Variants in ERBB4 observed in about 807,000 individuals in gnomAD.
The protein encoded by ERBB4 is erb-b2 receptor tyrosine kinase 4.
ERBB4 carries 42 observed loss-of-function variants against 158.0 expected under a neutral mutation model. That is an observed-to-expected ratio of 0.27 (90% CI 0.21 to 0.34). The LOEUF is 0.34. Among genes scored for constraint, ERBB4 ranks in the 10% least tolerant of loss-of-function variants. The pLI is 1.00. For synonymous variants in ERBB4, 583 were observed against 558.7 expected (o/e 1.04, Z -0.61); for missense variants, 1,333 against 1,624.1 (o/e 0.82, Z 3.08).
At chr2:212,529,376 T>C (rs1435587392) in intron 1 of ERBB4, among the ~76,000 whole-genome samples, 1 of 152,154 alleles carries the variant, frequency 6.6e-6, no homozygotes, top group African/African-American at 2.4e-5. Context: ...AATTGCACCA[T>C]ATTTATGGGT....
chr2:211,468,938 T>G (rs2064766000), intron 20 of ERBB4, among the ~76,000 whole-genome samples: 1 of 149,968 alleles, frequency 6.7e-6, no homozygotes, highest in Non-Finnish European at 1.5e-5. Flanking sequence ...AAAAAACCCT[T>G]AAAGGCAGAG....
chr2:212,165,224 T>G (rs1289308372), intron 1 of ERBB4, among the ~76,000 whole-genome samples: 1 of 151,832 alleles, frequency 6.6e-6, no homozygotes. Flanking sequence ...AAGTTGCGAG[T>G]GGGATTCTTT....
chr2:212,142,232 T>C (rs1336795489), intron 1 of ERBB4, among the ~76,000 whole-genome samples: 1 of 152,168 alleles, frequency 6.6e-6, no homozygotes, highest in Non-Finnish European at 1.5e-5. Flanking sequence ...TGCCATATTA[T>C]ATCTTCATTT....
rs147218158 is a variant in ERBB4 at position 212,057,521 on chromosome 2, T to C, written c.234+67231A>G. ...CACACTGATTCCAAAACTGACCACA[T>C]AGTTGGAAGTAAAGCACTCCTCAGC... On this transcript the variant is annotated intron_variant, in intron 2 of 27. Transcript: ENST00000342788. Among the ~76,000 whole-genome samples the C allele has an allele frequency of 9.1e-3, 1,379 of 152,236 alleles. 28 individuals are homozygous for C. The highest frequency in any genetic ancestry group is 0.031 in the African/African-American group (1,303 of 41,542).
rs1559317491 is a variant in ERBB4 at position 211,580,858 on chromosome 2, TGCA to T, written c.2302-18773_2302-18771del. ...TAGATTATATATTATATATATAGTA[TGCA>T]TATACATATATATATATATATATAT... On this transcript the variant is annotated intron_variant, in intron 19 of 27. Transcript: ENST00000342788. Among the ~76,000 whole-genome samples the T allele has an allele frequency of 4.9e-3, 38 of 7,766 alleles. 5 individuals carry two copies. Among genetic ancestry groups the T allele is most frequent in the Admixed American group, 0.017 (5 of 302 alleles). 5.1% of individuals were successfully genotyped at this position (7,766 alleles called of 152,430 possible).
intron 19 of ERBB4, among the ~76,000 whole-genome samples, chr2:211,617,617 G>C (rs1192070210): frequency 6.6e-6 from 1 of 152,078 alleles, no homozygotes; most frequent in Non-Finnish European, 1.5e-5. Context: ...TGTACAGGCT[G>C]ATTATCAACC....
At chr2:211,808,098 T>C (rs1575175445) in intron 3 of ERBB4, among the ~76,000 whole-genome samples, 1 of 152,258 alleles carries the variant, frequency 6.6e-6, no homozygotes. Context: ...CTGATGGTAG[T>C]TTCTCTTGCT....
intron 1 of ERBB4, among the ~76,000 whole-genome samples, chr2:212,167,922 C>T (rs2081396931): frequency 6.6e-6 from 1 of 152,026 alleles, no homozygotes; most frequent in Non-Finnish European, 1.5e-5. Context: ...GGAAACAACA[C>T]ACACCAGGGC....
intron 2 of ERBB4, among the ~76,000 whole-genome samples, chr2:212,032,146 C>T (rs368339964): frequency 7.2e-5 from 11 of 152,054 alleles, no homozygotes; most frequent in African/African-American, 2.7e-4. Context: ...TGATGCAGGC[C>T]TTCTCAGCTA....
chr2:211,704,602 C>T (rs1322500226), intron 10 of ERBB4, among the ~76,000 whole-genome samples: 1 of 152,136 alleles, frequency 6.6e-6, no homozygotes, highest in Non-Finnish European at 1.5e-5. Flanking sequence ...TACGGTAAGT[C>T]CATGTCTGAT....
chr2:211,935,583 G>C (rs545914457), intron 3 of ERBB4, among the ~76,000 whole-genome samples: 2 of 152,072 alleles, frequency 1.3e-5, no homozygotes, highest in Non-Finnish European at 2.9e-5. Flanking sequence ...TAGCTTCTCT[G>C]GTTCTGAGGC....
chr2:212,421,018 C>T lies in ERBB4; in HGVS notation c.82+117431G>A, dbSNP rs572538587. 1.1e-3 allele frequency among the ~76,000 whole-genome samples: 172 copies of T among 152,080 alleles called. 1 individual carries two copies. Among genetic ancestry groups the T allele is most frequent in the Non-Finnish European group, 2.0e-3 (134 of 67,954 alleles). On this transcript the variant is annotated intron_variant, in intron 1 of 27. Coordinates refer to ENST00000342788, the MANE Select transcript of ERBB4 (RefSeq NM_005235.3). ...TGTTTTCTAGAAGTTATAAATATGC[C>T]ATATAATTGGACACATTTGTCTCCA...
intron 20 of ERBB4, among the ~76,000 whole-genome samples, chr2:211,521,949 T>C (rs2066196847): frequency 6.6e-6 from 1 of 152,152 alleles, no homozygotes; most frequent in African/African-American, 2.4e-5. Flanking sequence ...TAATGGCTAA[T>C]TGACAATACA....
chr2:211,597,212 C>A (rs2125805397), intron 19 of ERBB4, among the ~76,000 whole-genome samples: 1 of 152,132 alleles, frequency 6.6e-6, no homozygotes, highest in Middle Eastern at 3.4e-3. Context: ...TATATTAATC[C>A]ATTATTGTCT....
intron 1 of ERBB4, among the ~76,000 whole-genome samples, chr2:212,242,882 C>G (rs1345044080): frequency 1.3e-5 from 2 of 152,130 alleles, no homozygotes; most frequent in Non-Finnish European, 2.9e-5. Context: ...TTGCATTAGA[C>G]CAAGTACGGC....
chr2:211,417,964 CAT>C (rs1430374593), intron 25 of ERBB4, among the ~76,000 whole-genome samples: 1 of 152,050 alleles, frequency 6.6e-6, no homozygotes, highest in African/African-American at 2.4e-5. Context: ...GCCTAACACT[CAT>C]ATAAGATAGG....
At chr2:211,657,637 A>G (rs985107120) in intron 16 of ERBB4, 117 bp downstream of exon 16, 5 of 820,930 alleles carry the variant, frequency 6.1e-6, no homozygotes, top group African/African-American at 5.1e-5. Flanking sequence ...AAACTTTCCA[A>G]TTTGATATAT....
chr2:211,393,611 A>ATGC, intron 25 of ERBB4, among the ~76,000 whole-genome samples: 1 of 152,016 alleles, frequency 6.6e-6, no homozygotes, highest in Non-Finnish European at 1.5e-5. Flanking sequence ...GGCATCTGAA[A>ATGC]CTCATTATCT....
intron 1 of ERBB4, among the ~76,000 whole-genome samples, chr2:212,256,857 G>T (rs550750644): frequency 1.3e-5 from 2 of 152,226 alleles, no homozygotes; most frequent in South Asian, 4.1e-4. Flanking sequence ...CAAATATCAA[G>T]AATATTTTAA....
Sources: allele counts gnomAD v4.1 joint callset (sites outside exome capture counted in the v4.1 genomes callset), GRCh38; gene constraint gnomAD v4.1.1; transcripts MANE v1.5; gene names NCBI Gene and HGNC (gene_info 2026-07-23, HGNC 2026-07-21).